The following OPRM1 variants were observed in gnomAD, a reference collection of about 807,000 sequenced individuals.
OPRM1 encodes the protein mu-type opioid receptor.
OPRM1 carries 27 observed loss-of-function variants against 31.8 expected under a neutral mutation model. That is an observed-to-expected ratio of 0.85 (90% confidence interval 0.63 to 1.17). The LOEUF (loss-of-function observed/expected upper bound fraction) is 1.17. Ranked by LOEUF, OPRM1 falls within the 50% of genes most tolerant of loss-of-function variation. The pLI, the probability that OPRM1 is intolerant of heterozygous loss-of-function variation, is 0.00. For missense variants in OPRM1, 536 were observed against 511.1 expected (o/e 1.05, Z -0.47); for synonymous variants, 196 against 189.9 (o/e 1.03, Z -0.26).
chr6:154,063,114 A>T (rs1416247669), intron 1 of OPRM1, among the ~76,000 whole-genome samples: 1 of 152,040 alleles, frequency 6.6e-6, no homozygotes, highest in Non-Finnish European at 1.5e-5. Flanking sequence ...CATAGCAACA[A>T]ATATCCAGGT....
At chr6:154,237,917 A>G (rs1264722454) in intron 3 of OPRM1, among the ~76,000 whole-genome samples, 1 of 152,084 alleles carries the variant, frequency 6.6e-6, no homozygotes, top group Non-Finnish European at 1.5e-5. Context: ...AATATATATC[A>G]ATTTATTTTT....
At chr6:154,135,304 A>G (rs1286660152), downstream of OPRM1, among the ~76,000 whole-genome samples, 1 of 152,132 alleles carries the variant, frequency 6.6e-6, no homozygotes, top group Non-Finnish European at 1.5e-5. Context: ...CCCCGTCTCT[A>G]CTAAAAATAC....
intron 3 of OPRM1, among the ~76,000 whole-genome samples, chr6:154,180,442 G>T: frequency 6.9e-6 from 1 of 144,486 alleles, no homozygotes; most frequent in Admixed American, 7.1e-5. Flanking sequence ...ATCCTTCTTG[G>T]TGACATTAGC....
intron 3 of OPRM1, among the ~76,000 whole-genome samples, chr6:154,115,788 G>C (rs1796810360): frequency 6.6e-6 from 1 of 152,190 alleles, no homozygotes; most frequent in Admixed American, 6.5e-5. Context: ...CTCCACAAAG[G>C]AATCTGTTTC....
intron 3 of OPRM1, chr6:154,159,808 G>A (rs1270464900): frequency 3.8e-6 from 6 of 1,577,102 alleles, no homozygotes; most frequent in South Asian, 2.2e-5. Context: ...AATATAAGAG[G>A]AGAAAACCCT....
chr6:154,208,578 G>GTTCCAAT (rs1777699340), intron 3 of OPRM1, among the ~76,000 whole-genome samples: 1 of 152,176 alleles, frequency 6.6e-6, no homozygotes, highest in Non-Finnish European at 1.5e-5. Context: ...TTTATTCACT[G>GTTCCAAT]ATGTGTTCCA....
At chr6:154,167,830 C>A in intron 3 of OPRM1, 1 of 972,368 alleles carries the variant, frequency 1.0e-6, no homozygotes, top group Non-Finnish European at 1.5e-6. Flanking sequence ...ACCACACAAA[C>A]ATGCTGTGAT....
At chr6:154,153,286 C>T (rs1235142563) in intron 3 of OPRM1, among the ~76,000 whole-genome samples, 1 of 152,106 alleles carries the variant, frequency 6.6e-6, no homozygotes, top group East Asian at 1.9e-4. Flanking sequence ...ATCACTGGAA[C>T]CTGTGTAGAC....
At chr6:154,028,650 T>G (rs1039779574) in intron 1 of OPRM1, among the ~76,000 whole-genome samples, 6 of 152,216 alleles carry the variant, frequency 3.9e-5, no homozygotes, top group African/African-American at 1.4e-4. Context: ...GGATTAGTGA[T>G]TCCCCTCTGG....
chr6:154,180,414 A>ATATATATATATATATATTTT (rs1241250621), intron 3 of OPRM1, among the ~76,000 whole-genome samples: 1 of 65,268 alleles, frequency 1.5e-5, no homozygotes, highest in African/African-American at 4.8e-5. Context: ...ATATATATAT[A>ATATATATATATATATATTTT]TTTTTTTTTT....
chr6:154,100,040 A>ATTAT (rs1554275325), intron 3 of OPRM1, among the ~76,000 whole-genome samples: 1 of 106,856 alleles, frequency 9.4e-6, no homozygotes. Context: ...ATATTATCAT[A>ATTAT]TGATATATAT....
At chr6:154,166,643 TC>T (rs1244601462) in intron 3 of OPRM1, among the ~76,000 whole-genome samples, 1 of 152,168 alleles carries the variant, frequency 6.6e-6, no homozygotes, top group Admixed American at 6.5e-5. Context: ...GTATTTGTTT[TC>T]CTCTGTTTCT....
intron 1 of OPRM1, among the ~76,000 whole-genome samples, chr6:154,059,246 G>A (rs1783930585): frequency 6.6e-6 from 1 of 152,138 alleles, no homozygotes; most frequent in Non-Finnish European, 1.5e-5. Flanking sequence ...ATTTTGAATT[G>A]ACCTTTTGTC....
intron 1 of OPRM1, chr6:154,087,586 C>T (rs1790912565): frequency 1.0e-6 from 1 of 985,282 alleles, no homozygotes; most frequent in African/African-American, 1.7e-5. Context: ...GGTGTGGGTC[C>T]TGCAGGAAAA....
chr6:154,091,386 A>T lies in OPRM1; in HGVS notation c.1078A>T (p.Ile360Phe). 6.2e-7 allele frequency: 1 copy of T among 1,614,138 alleles called. No individual in the cohort carries two copies. The highest frequency in any genetic ancestry group is 8.5e-7 in the Non-Finnish European group (1 of 1,180,020). ...REFCIPTSSN[I>F]EQQNSTRIRQ... ...GTTCTGTATCCCAACCTCTTCCAAC[A>T]TTGAGCAACAAAACTCCACTCGAAT... The change falls in exon 3 of 4, where the codon ATT (isoleucine) becomes TTT (phenylalanine). Residue 360 changes from isoleucine to phenylalanine, a missense_variant. By Grantham distance (21) the Ile-to-Phe change is conservative (BLOSUM62 0). Coordinates refer to ENST00000330432, the MANE Select transcript of OPRM1 (RefSeq NM_000914.5).
intron 3 of OPRM1, among the ~76,000 whole-genome samples, chr6:154,230,745 T>C (rs947300487): frequency 6.6e-6 from 1 of 152,180 alleles, no homozygotes; most frequent in African/African-American, 2.4e-5. Context: ...CCCTGATTTC[T>C]TTACACTTCA....
chr6:154,032,581 G>A (rs901839410), intron 1 of OPRM1, among the ~76,000 whole-genome samples: 11 of 152,078 alleles, frequency 7.2e-5, no homozygotes, highest in Admixed American at 2.0e-4. Flanking sequence ...GATTACAAGC[G>A]TGCACCACAA....
intron 3 of OPRM1, among the ~76,000 whole-genome samples, chr6:154,115,626 G>A (rs924748981): frequency 1.3e-5 from 2 of 152,202 alleles, no homozygotes; most frequent in East Asian, 3.9e-4. Context: ...CAGGTGTAAT[G>A]CCTCTGATTC....
chr6:154,042,074 T>C (rs74507638), intron 1 of OPRM1, among the ~76,000 whole-genome samples: 6 of 152,188 alleles, frequency 3.9e-5, no homozygotes, highest in Non-Finnish European at 7.3e-5. Context: ...TTATGCTTTA[T>C]TCTCGGTACT....
Sources: gnomAD v4.1 joint callset for allele counts (sites outside exome capture counted in the v4.1 genomes callset) on GRCh38, gnomAD v4.1.1 for gene constraint, MANE v1.5 for transcripts, NCBI Gene and HGNC (gene_info 2026-07-23, HGNC 2026-07-21) for gene names.